Variants in RBPJ observed in about 807,000 individuals in gnomAD.
RBPJ encodes recombination signal binding protein for immunoglobulin kappa J region.
RBPJ carries 9 observed loss-of-function variants against 67.8 expected under a neutral mutation model. That is an observed-to-expected ratio of 0.13 (90% CI 0.08 to 0.23). The LOEUF (loss-of-function observed/expected upper bound fraction) is 0.23. Ranked by LOEUF, RBPJ falls within the 10% of genes least tolerant of loss-of-function variation. The pLI, the probability that RBPJ is intolerant of heterozygous loss-of-function variation, is 1.00. For missense variants in RBPJ, 305 were observed against 595.6 expected (o/e 0.51, Z 5.08); for synonymous variants, 198 against 203.3 (o/e 0.97, Z 0.22).
intron 2 of RBPJ, among the ~76,000 whole-genome samples, chr4:26,400,628 C>T (rs1458335570): frequency 6.6e-6 from 1 of 152,156 alleles, no homozygotes; most frequent in Admixed American, 6.5e-5. Flanking sequence ...TTTTAATATT[C>T]TGTTTAATAA....
intron 1 of RBPJ, among the ~76,000 whole-genome samples, chr4:26,360,473 G>C (rs1226364265): frequency 6.6e-6 from 1 of 152,166 alleles, no homozygotes; most frequent in Non-Finnish European, 1.5e-5. Context: ...TGGTGGTAAA[G>C]TGATGATAGG....
intron 1 of RBPJ, among the ~76,000 whole-genome samples, chr4:26,209,098 A>AAATATAT (rs1553848907): frequency 1.0e-4 from 15 of 146,996 alleles, no homozygotes; most frequent in African/African-American, 3.5e-4. Context: ...GAAGAAAAAA[A>AAATATAT]ATATATATAT....
the RBPJ span, among the ~76,000 whole-genome samples, chr4:26,141,813 C>A: frequency 1.3e-5 from 2 of 152,206 alleles, no homozygotes; most frequent in African/African-American, 4.8e-5. Context: ...CCCCCTTTCC[C>A]TTCCCAGCCT....
At chr4:26,309,336 T>A (rs1722350444) in intron 1 of RBPJ, among the ~76,000 whole-genome samples, 1 of 152,208 alleles carries the variant, frequency 6.6e-6, no homozygotes, top group African/African-American at 2.4e-5. Context: ...CCTGCGATTA[T>A]CTAATTTGAT....
intron 1 of RBPJ, among the ~76,000 whole-genome samples, chr4:26,163,780 T>C (rs1716152548): frequency 6.6e-6 from 1 of 152,232 alleles, no homozygotes. Context: ...CATGGTAGTG[T>C]TCTGGTTATA....
intron 5 of RBPJ, among the ~76,000 whole-genome samples, chr4:26,421,180 T>C (rs958898000): frequency 1.3e-5 from 2 of 152,242 alleles, no homozygotes; most frequent in Non-Finnish European, 2.9e-5. Flanking sequence ...CAATTTTTAA[T>C]GTGGTTGCTC....
At chr4:26,241,181 A>G (rs1719624111) in intron 1 of RBPJ, among the ~76,000 whole-genome samples, 1 of 151,042 alleles carries the variant, frequency 6.6e-6, no homozygotes, top group Non-Finnish European at 1.5e-5. Flanking sequence ...TGGGCGACAG[A>G]GCAAGACCCT....
chr4:26,346,917 G>A lies in RBPJ; in HGVS notation c.20+25869G>A, dbSNP rs189396150. Among the ~76,000 whole-genome samples the A allele has an allele frequency of 1.3e-3, 191 of 152,122 alleles. No individual in the cohort carries two copies. In the East Asian group the frequency reaches 0.03, roughly 24 times the overall value. ...TGAAGCAGGAGAATCACTTGAACCC[G>A]GGAGGCGGAGGTTGCAGTGAGCCGA... On this transcript the variant is annotated intron_variant, in intron 1 of 10. Coordinates refer to ENST00000355476, the MANE Select transcript of RBPJ (RefSeq NM_015874.6).
chr4:26,154,411 G>A, the RBPJ span, among the ~76,000 whole-genome samples: 2 of 152,140 alleles, frequency 1.3e-5, no homozygotes, highest in Admixed American at 6.5e-5. Context: ...ATGAATATTC[G>A]TTCCCGTAGG....
At chr4:26,153,758 A>T in the RBPJ span, among the ~76,000 whole-genome samples, 1 of 152,188 alleles carries the variant, frequency 6.6e-6, no homozygotes, top group Non-Finnish European at 1.5e-5. Flanking sequence ...CAGTGTTAAC[A>T]TCATCTTCAC....
chr4:26,424,800 A>G lies in RBPJ; in HGVS notation c.747+57A>G. 1 of 1,011,100 alleles carries G rather than the reference A, an allele frequency of 9.9e-7. No individual in the cohort carries two copies. The highest frequency in any genetic ancestry group is 1.5e-6 in the Non-Finnish European group (1 of 654,764). 62.6% of individuals were successfully genotyped at this position (1,011,100 alleles called of 1,614,324 possible). A position where few individuals can be genotyped will look rare whatever the true frequency, so the allele number is the denominator to read the frequency against. On this transcript the variant is annotated intron_variant, in intron 7 of 10. Transcript: ENST00000355476. The surrounding 1 kb of genome is among the most constrained non-coding windows in gnomAD (Gnocchi z 5.3). ...TGAAGTAAAAATTAATTTCTTAAACAGGAAAATCACAACATTCAAATGGAA... is the reference window on the plus strand; with the variant it reads ...TGAAGTAAAAATTAATTTCTTAAACGGGAAAATCACAACATTCAAATGGAA...
At chr4:26,149,675 A>G in the RBPJ span, among the ~76,000 whole-genome samples, 2 of 152,232 alleles carry the variant, frequency 1.3e-5, no homozygotes, top group African/African-American at 4.8e-5. Context: ...GGGATGACAC[A>G]GCAAGAAGGC....
chr4:26,364,858 C>T (rs1220170840), intron 1 of RBPJ, among the ~76,000 whole-genome samples: 1 of 151,746 alleles, frequency 6.6e-6, no homozygotes, highest in Non-Finnish European at 1.5e-5. Context: ...AACTCCTGAT[C>T]TGCCCATGTC....
intron 1 of RBPJ, among the ~76,000 whole-genome samples, chr4:26,250,612 G>A (rs1285241352): frequency 1.3e-5 from 2 of 152,174 alleles, no homozygotes; most frequent in Non-Finnish European, 2.9e-5. Flanking sequence ...GGACACAGAT[G>A]TGAGCCACCG....
At chr4:26,134,013 T>A in the RBPJ span, among the ~76,000 whole-genome samples, 149 of 152,052 alleles carry the variant, frequency 9.8e-4, no homozygotes, top group East Asian at 9.2e-3. Context: ...TAAAGTTGAA[T>A]ACGTTTATAA....
chr4:26,239,488 T>C (rs892105997), intron 1 of RBPJ, among the ~76,000 whole-genome samples: 1 of 152,194 alleles, frequency 6.6e-6, no homozygotes, highest in Non-Finnish European at 1.5e-5. Context: ...AAGAGTCTCA[T>C]TGAGGAAATC....
intron 2 of RBPJ, among the ~76,000 whole-genome samples, chr4:26,404,740 C>T (rs147445004): frequency 6.6e-5 from 10 of 152,298 alleles, no homozygotes; most frequent in Admixed American, 1.3e-4. Flanking sequence ...ACTGTTGTGG[C>T]TGCCTTACTC....
exon 1 of RBPJ, chr4:26,163,577 T>C (rs1449199861): frequency 6.6e-6 from 1 of 152,200 alleles, no homozygotes; most frequent in Non-Finnish European, 1.5e-5. Context: ...TGAGTTTCTC[T>C]TTGAGATGAT....
intron 1 of RBPJ, among the ~76,000 whole-genome samples, chr4:26,169,412 G>A (rs532999740): frequency 2.8e-4 from 43 of 152,340 alleles, no homozygotes; most frequent in South Asian, 6.2e-4. Flanking sequence ...GAATGCTGCT[G>A]TCTGATCGTT....
Sources: allele counts gnomAD v4.1 joint callset (sites outside exome capture counted in the v4.1 genomes callset), GRCh38; gene constraint gnomAD v4.1.1; non-coding constraint Gnocchi (gnomAD v3.1); transcripts MANE v1.5; gene names NCBI Gene and HGNC (gene_info 2026-07-23, HGNC 2026-07-21).